DIS3L2: variants seen among roughly 807,000 people sequenced by gnomAD.
DIS3L2 encodes the protein DIS3-like exonuclease 2.
Under a neutral mutation model 97.5 loss-of-function variants are expected in DIS3L2, and 34 were observed. That is an observed-to-expected ratio of 0.35 (90% CI 0.27 to 0.46). DIS3L2 has a LOEUF of 0.46. Ranked by LOEUF, DIS3L2 falls within the 20% of genes least tolerant of loss-of-function variation. The probability of loss-of-function intolerance (pLI) is 1.00; values close to 1 mark genes in which losing one functional copy is unlikely to be tolerated. For synonymous variants in DIS3L2, 435 were observed against 445.2 expected (o/e 0.98, Z 0.29); for missense variants, 1,038 against 1,146.0 (o/e 0.91, Z 1.36).
At chr2:232,207,664 C>T (rs1485438901) in intron 9 of DIS3L2, among the ~76,000 whole-genome samples, 1 of 152,162 alleles carries the variant, frequency 6.6e-6, no homozygotes, top group Non-Finnish European at 1.5e-5. Context: ...TCTAAATGCT[C>T]TCGTTCCCTC....
chr2:232,327,411 G>C lies in DIS3L2; in HGVS notation c.1740-2402G>C, dbSNP rs531635451. On this transcript the variant is annotated intron_variant, in intron 14 of 20. Coordinates refer to ENST00000325385, the MANE Select transcript of DIS3L2 (RefSeq NM_152383.5). Reference sequence around the variant, plus strand: ...GAATTGCCTGGATGCTCCTGCCCAGGAGGATTGTCCGACTGCATGGGGAGA... The same window carrying C: ...GAATTGCCTGGATGCTCCTGCCCAGCAGGATTGTCCGACTGCATGGGGAGA... Among the ~76,000 whole-genome samples the C allele has an allele frequency of 8.5e-4, 130 of 152,358 alleles. 1 individual carries two copies. Among genetic ancestry groups the C allele is most frequent in the African/African-American group, 2.9e-3 (122 of 41,588 alleles).
intron 5 of DIS3L2, among the ~76,000 whole-genome samples, chr2:232,053,289 A>T (rs903158470): frequency 6.6e-6 from 1 of 152,228 alleles, no homozygotes; most frequent in Non-Finnish European, 1.5e-5. Flanking sequence ...TTTTATTATT[A>T]TGTTAAAAGT....
At chr2:232,154,978 G>A (rs1351866974) in intron 8 of DIS3L2, among the ~76,000 whole-genome samples, 9 of 140,980 alleles carry the variant, frequency 6.4e-5, no homozygotes, top group African/African-American at 1.9e-4. Flanking sequence ...AGGTGCGTCC[G>A]TCACCCCTTT....
At chr2:232,279,446 G>GC (rs1694225500) in intron 13 of DIS3L2, among the ~76,000 whole-genome samples, 1 of 152,090 alleles carries the variant, frequency 6.6e-6, no homozygotes, top group Non-Finnish European at 1.5e-5. Context: ...CATATCTTTT[G>GC]CCCATTTTTA....
intron 11 of DIS3L2, among the ~76,000 whole-genome samples, chr2:232,246,392 T>A (rs1693249061): frequency 6.6e-6 from 1 of 151,826 alleles, no homozygotes; most frequent in Non-Finnish European, 1.5e-5. Flanking sequence ...GTGAAGGGGG[T>A]GCAGTGGGAA....
rs192368394 is a variant in DIS3L2 at position 232,260,627 on chromosome 2, A to G, written c.1426-2580A>G. Reference sequence around the variant, plus strand: ...AGTTTCAGGATTTTTTTAAAAGAAAAGTTAAAGTCAGTGATTACAGATTCA... The same window carrying G: ...AGTTTCAGGATTTTTTTAAAAGAAAGGTTAAAGTCAGTGATTACAGATTCA... On this transcript the variant is annotated intron_variant, in intron 12 of 20. Coordinates refer to ENST00000325385, the MANE Select transcript of DIS3L2 (RefSeq NM_152383.5). 5.3e-5 allele frequency: 8 copies of G among 152,374 alleles called. No homozygotes were observed. In the East Asian group the frequency reaches 5.8e-4, roughly 11 times the overall value. 9.4% of individuals were successfully genotyped at this position (152,374 alleles called of 1,614,324 possible). A position where few individuals can be genotyped will look rare whatever the true frequency, so the allele number is the denominator to read the frequency against.
intron 5 of DIS3L2, among the ~76,000 whole-genome samples, chr2:232,032,867 AG>A (rs1356313910): frequency 6.6e-6 from 1 of 152,174 alleles, no homozygotes; most frequent in African/African-American, 2.4e-5. Context: ...TTTTGGTACC[AG>A]TAGCATGCTG....
chr2:232,183,967 AT>A (rs1691364892), intron 9 of DIS3L2, among the ~76,000 whole-genome samples: 1 of 152,306 alleles, frequency 6.6e-6, no homozygotes, highest in African/African-American at 2.4e-5. Flanking sequence ...AATGCTGTTG[AT>A]TTTAAGGCTG....
At chr2:232,136,864 G>A in intron 8 of DIS3L2, 145 bp downstream of exon 8, 1 of 1,039,514 alleles carries the variant, frequency 9.6e-7, no homozygotes, top group Non-Finnish European at 1.4e-6. Flanking sequence ...TTCTTCAGAA[G>A]TCACTCTTAG....
chr2:232,329,785 T>TGCCCGGGGCCCC, intron 14 of DIS3L2, 28 bp from the exon 15 acceptor site: 1 of 967,138 alleles, frequency 1.0e-6, no homozygotes, highest in Non-Finnish European at 1.5e-6. Flanking sequence ...ACCCCAGCGG[T>TGCCCGGGGCCCC]CCCTCCCATC....
intron 10 of DIS3L2, among the ~76,000 whole-genome samples, chr2:232,235,553 T>C (rs1559168000): frequency 6.6e-6 from 1 of 152,242 alleles, no homozygotes; most frequent in Non-Finnish European, 1.5e-5. Context: ...ATTGGCCTTC[T>C]TCATATTTTA....
intron 3 of DIS3L2, among the ~76,000 whole-genome samples, chr2:232,023,506 A>G (rs1418420770): frequency 6.6e-6 from 1 of 152,166 alleles, no homozygotes; most frequent in Non-Finnish European, 1.5e-5. Flanking sequence ...GCTTCCATCC[A>G]TGTGTTCCAG....
intron 9 of DIS3L2, among the ~76,000 whole-genome samples, chr2:232,197,574 G>A (rs1480918557): frequency 6.6e-6 from 1 of 152,136 alleles, no homozygotes; most frequent in African/African-American, 2.4e-5. Flanking sequence ...TGAAGTCATT[G>A]TCAACCTAGT....
chr2:232,000,908 G>T, intron 1 of DIS3L2, among the ~76,000 whole-genome samples: 1 of 150,034 alleles, frequency 6.7e-6, no homozygotes. Flanking sequence ...TAAACCGAAT[G>T]GTATTCCATT....
chr2:232,260,337 G>C (rs1693682547), intron 12 of DIS3L2: 1 of 152,298 alleles, frequency 6.6e-6, no homozygotes, highest in Admixed American at 6.5e-5. Flanking sequence ...CAGCTCTTCA[G>C]GAAATGTGGA....
chr2:232,031,864 G>A (rs1258129368), intron 5 of DIS3L2, among the ~76,000 whole-genome samples: 5 of 152,154 alleles, frequency 3.3e-5, no homozygotes, highest in African/African-American at 1.2e-4. Flanking sequence ...GTATTCCATG[G>A]TGTATATGTG....
At chr2:232,333,759 G>T in intron 16 of DIS3L2, 81 bp from the exon 17 acceptor site, 137 of 1,413,074 alleles carry the variant, frequency 9.7e-5, no homozygotes, top group Admixed American at 7.4e-4. Context: ...TGCCGACGGT[G>T]AGGCTGTGGG....
At chr2:232,108,380 A>G (rs1262220971) in intron 6 of DIS3L2, among the ~76,000 whole-genome samples, 1 of 152,246 alleles carries the variant, frequency 6.6e-6, no homozygotes, top group Non-Finnish European at 1.5e-5. Context: ...ATACCTCAAA[A>G]TAATGAGAGC....
chr2:231,983,688 A>G (rs1243864386), intron 1 of DIS3L2, among the ~76,000 whole-genome samples: 1 of 152,168 alleles, frequency 6.6e-6, no homozygotes, highest in African/African-American at 2.4e-5. Flanking sequence ...CAGGAGATCA[A>G]GACCATCCTG....
Sources: allele counts gnomAD v4.1 joint callset (sites outside exome capture counted in the v4.1 genomes callset), GRCh38; gene constraint gnomAD v4.1.1; transcripts MANE v1.5; gene names NCBI Gene and HGNC (gene_info 2026-07-23, HGNC 2026-07-21).